EPHA3: variants seen among roughly 807,000 people sequenced by gnomAD.
The protein encoded by EPHA3 is EPH receptor A3.
A neutral mutation model predicts 107.1 loss-of-function variants in EPHA3; 42 were observed. That is an observed-to-expected ratio of 0.39 (90% confidence interval 0.31 to 0.51). The LOEUF (loss-of-function observed/expected upper bound fraction) is 0.51, where lower values mean the gene tolerates loss of function less well. EPHA3 is among the 20% of genes least tolerant of loss of function. The pLI is 0.78. For synonymous variants in EPHA3, 461 were observed against 424.8 expected (o/e 1.09, Z -1.05); for missense variants, 1,183 against 1,211.2 (o/e 0.98, Z 0.35).
At chr3:89,473,701 G>A (rs1451049352) in intron 16 of EPHA3, among the ~76,000 whole-genome samples, 1 of 152,110 alleles carries the variant, frequency 6.6e-6, no homozygotes, top group East Asian at 1.9e-4. Flanking sequence ...AGTAGGACTG[G>A]CTCAGTCCCA....
intron 3 of EPHA3, among the ~76,000 whole-genome samples, chr3:89,235,185 G>T (rs1186608010): frequency 1.3e-5 from 2 of 151,830 alleles, no homozygotes; most frequent in Non-Finnish European, 2.9e-5. Context: ...ACGTCCCAAA[G>T]TGCTGGGATT....
chr3:89,155,389 T>C (rs1704777625), intron 2 of EPHA3, among the ~76,000 whole-genome samples: 1 of 152,092 alleles, frequency 6.6e-6, no homozygotes, highest in African/African-American at 2.4e-5. Flanking sequence ...GTATACCTTG[T>C]GCCAAGCACT....
intron 3 of EPHA3, among the ~76,000 whole-genome samples, chr3:89,333,292 C>T (rs1287061942): frequency 3.3e-5 from 5 of 152,236 alleles, no homozygotes; most frequent in Non-Finnish European, 5.9e-5. Context: ...TATTGTTTCC[C>T]CTTCATAAAT....
intron 2 of EPHA3, among the ~76,000 whole-genome samples, chr3:89,171,432 AG>A (rs1656561076): frequency 6.6e-6 from 1 of 152,182 alleles, no homozygotes; most frequent in African/African-American, 2.4e-5. Context: ...CAATGAAGCA[AG>A]CAATGGATAT....
chr3:89,304,054 T>G (rs1183446869), intron 3 of EPHA3, among the ~76,000 whole-genome samples: 1 of 152,116 alleles, frequency 6.6e-6, no homozygotes, highest in Non-Finnish European at 1.5e-5. Context: ...TGTTGAAATC[T>G]GTAACTAAGA....
At chr3:89,339,370 C>CAAAAAAAAAAA (rs10575384) in intron 3 of EPHA3, among the ~76,000 whole-genome samples, 2 of 106,626 alleles carry the variant, frequency 1.9e-5, no homozygotes, top group East Asian at 2.8e-4. Flanking sequence ...GACTCCATCT[C>CAAAAAAAAAAA]AAAAAAAAAA....
At chr3:89,320,606 T>C (rs996334887) in intron 3 of EPHA3, among the ~76,000 whole-genome samples, 4 of 151,706 alleles carry the variant, frequency 2.6e-5, no homozygotes, top group African/African-American at 9.7e-5. Flanking sequence ...GACTTTTTTT[T>C]TAAGCCATGA....
At chr3:89,312,256 T>C (rs1706780749) in intron 3 of EPHA3, among the ~76,000 whole-genome samples, 1 of 151,994 alleles carries the variant, frequency 6.6e-6, no homozygotes, top group Non-Finnish European at 1.5e-5. Context: ...TGTTTGTCTT[T>C]GATTTTTATT....
chr3:89,179,480 A>T (rs1705389654), intron 2 of EPHA3, among the ~76,000 whole-genome samples: 2 of 151,972 alleles, frequency 1.3e-5, no homozygotes, highest in African/African-American at 4.8e-5. Context: ...TCTCTTTATG[A>T]TCTTTGGTCC....
intron 3 of EPHA3, among the ~76,000 whole-genome samples, chr3:89,233,167 A>T (rs1576251420): frequency 6.6e-6 from 1 of 152,328 alleles, no homozygotes; most frequent in South Asian, 2.1e-4. Context: ...TTTGAAATAT[A>T]TATATATACA....
intron 15 of EPHA3, among the ~76,000 whole-genome samples, chr3:89,451,677 T>C (rs1030696599): frequency 6.6e-6 from 1 of 152,200 alleles, no homozygotes. Context: ...TCAGTAACGA[T>C]GACTTGTGGG....
intron 3 of EPHA3, among the ~76,000 whole-genome samples, chr3:89,230,121 A>C (rs1194558803): frequency 6.6e-6 from 1 of 152,098 alleles, no homozygotes; most frequent in African/African-American, 2.4e-5. Context: ...TTACCAGTGA[A>C]GAGAGGAAGA....
chr3:89,323,720 C>T (rs531584221), intron 3 of EPHA3, among the ~76,000 whole-genome samples: 1 of 152,122 alleles, frequency 6.6e-6, no homozygotes, highest in African/African-American at 2.4e-5. Context: ...GACAATGAAT[C>T]GCTCAACTCA....
At chr3:89,170,664 T>C (rs1705191360) in intron 2 of EPHA3, among the ~76,000 whole-genome samples, 1 of 152,174 alleles carries the variant, frequency 6.6e-6, no homozygotes, top group South Asian at 2.1e-4. Context: ...CAAGCTCAAA[T>C]ATAAATATTT....
chr3:89,455,561 G>C (rs186750411), intron 15 of EPHA3, among the ~76,000 whole-genome samples: 4 of 152,286 alleles, frequency 2.6e-5, no homozygotes, highest in African/African-American at 9.6e-5. Context: ...AAGATGATTT[G>C]ATTTATATGA....
intron 5 of EPHA3, among the ~76,000 whole-genome samples, chr3:89,390,031 GC>G (rs1708692847): frequency 6.6e-6 from 1 of 151,746 alleles, no homozygotes; most frequent in Non-Finnish European, 1.5e-5. Context: ...TCACTCTGTC[GC>G]CCTGACTGAA....
At position 89,432,911 on chromosome 3, in the gene EPHA3, A is replaced by T. The variant is rs182888388; in HGVS notation, c.2346+1552A>T. Among the ~76,000 whole-genome samples, 3 of 152,226 alleles carry T rather than the reference A, an allele frequency of 2.0e-5. No homozygotes were observed. In the East Asian group the frequency reaches 5.8e-4, roughly 29 times the overall value. On this transcript the variant is annotated intron_variant, in intron 13 of 16. Transcript: ENST00000336596. ...AAATATAAAATACATAAGTTTCCAG[A>T]TGATTAAATATTTTTACAATATTCA...
At chr3:89,351,893 A>G (rs1217400137) in intron 5 of EPHA3, among the ~76,000 whole-genome samples, 2 of 150,176 alleles carry the variant, frequency 1.3e-5, no homozygotes, top group Non-Finnish European at 3.0e-5. Context: ...ATAAAAATAA[A>G]TAAGTAATTT....
chr3:89,282,571 T>C lies in EPHA3; in HGVS notation c.815-58345T>C, dbSNP rs559915226. On this transcript the variant is annotated intron_variant, in intron 3 of 16. Coordinates refer to ENST00000336596, the MANE Select transcript of EPHA3 (RefSeq NM_005233.6). Reference sequence around the variant, plus strand: ...TATTTTCATGGAAATTTATAGTTCATTGCCTTTAATAACAGGCCATAATTT... The same window carrying C: ...TATTTTCATGGAAATTTATAGTTCACTGCCTTTAATAACAGGCCATAATTT... Among the ~76,000 whole-genome samples, 3 of 152,234 alleles carry C rather than the reference T, an allele frequency of 2.0e-5. No individual in the cohort carries two copies. In the South Asian group the frequency reaches 6.2e-4, roughly 32 times the overall value.
Sources: gnomAD v4.1 joint callset for allele counts (sites outside exome capture counted in the v4.1 genomes callset) on GRCh38, gnomAD v4.1.1 for gene constraint, MANE v1.5 for transcripts, NCBI Gene and HGNC (gene_info 2026-07-23, HGNC 2026-07-21) for gene names.